The following CCT3 variants were observed in gnomAD, a reference collection of about 807,000 sequenced individuals.
CCT3 encodes the protein T-complex protein 1 subunit gamma.
CCT3 carries 10 observed loss-of-function variants against 65.3 expected under a neutral mutation model. The ratio of observed to expected loss-of-function variants is 0.15; its 90% CI spans 0.09 to 0.26. The LOEUF (loss-of-function observed/expected upper bound fraction) is 0.26. Among genes scored for constraint, CCT3 ranks in the 10% least tolerant of loss-of-function variants. The pLI, the probability that CCT3 is intolerant of heterozygous loss-of-function variation, is 1.00. For synonymous variants in CCT3, 225 were observed against 242.3 expected, an observed-to-expected ratio of 0.93 and a Z score of 0.66; for missense variants, 626 against 708.7, an observed-to-expected ratio of 0.88 and a Z score of 1.33.
chr1:156,312,206 C>T lies in CCT3; in HGVS notation c.990G>A (p.Arg330=). 1 of 1,614,034 alleles carries T rather than the reference C, an allele frequency of 6.2e-7. No homozygotes were observed. Among genetic ancestry groups the T allele is most frequent in the Non-Finnish European group, 8.5e-7 (1 of 1,179,954 alleles). The change falls in exon 11 of 14, where the codon CGG becomes CGA. Residue 330 remains arginine, a synonymous_variant. Transcript: ENST00000295688. ...NNRIARACGA[R]IVSRPEELRE... is the part of the protein sequence containing the mutation. ...TCAGTTCCTCTGGTCGGCTGACTAT[C>T]CGGGCCCCACAGGCTCTAATGGACG... is the stretch of plus-strand genomic sequence containing the variant.
At chr1:156,323,809 C>A (rs1664679624) in intron 6 of CCT3, among the ~76,000 whole-genome samples, 1 of 151,754 alleles carries the variant, frequency 6.6e-6, no homozygotes, top group Non-Finnish European at 1.5e-5. Context: ...TTCGCCCAGG[C>A]TGGAGTGCAA....
At chr1:156,328,995 C>T (rs1480359224) in intron 5 of CCT3, among the ~76,000 whole-genome samples, 1 of 152,114 alleles carries the variant, frequency 6.6e-6, no homozygotes, top group Non-Finnish European at 1.5e-5. Context: ...CAGTCACGTA[C>T]CATTTAATGT....
intron 7 of CCT3, among the ~76,000 whole-genome samples, chr1:156,320,081 G>A (rs1382056537): frequency 6.6e-6 from 1 of 152,098 alleles, no homozygotes; most frequent in Non-Finnish European, 1.5e-5. Flanking sequence ...TTTCCAGGCA[G>A]CAAGTATAGT....
At chr1:156,320,564 A>G (rs1664505195) in intron 7 of CCT3, among the ~76,000 whole-genome samples, 3 of 152,124 alleles carry the variant, frequency 2.0e-5, no homozygotes, top group African/African-American at 7.2e-5. Context: ...CCTGGGCAAC[A>G]TGAGACCCTC....
intron 10 of CCT3, among the ~76,000 whole-genome samples, chr1:156,315,529 A>G (rs1291914549): frequency 1.3e-5 from 2 of 152,022 alleles, no homozygotes; most frequent in African/African-American, 4.8e-5. Flanking sequence ...TCTTAATAAC[A>G]TTTTCTCTAG....
At chr1:156,331,269 G>A (rs1665085142) in intron 5 of CCT3, among the ~76,000 whole-genome samples, 1 of 151,718 alleles carries the variant, frequency 6.6e-6, no homozygotes, top group Admixed American at 6.6e-5. Flanking sequence ...GCAGGAGATT[G>A]CTTGAGCCCA....
Position 156,317,399 on chromosome 1 carries a change from A to C in CCT3, c.892+16T>G. 1 of 1,604,362 alleles carries C rather than the reference A, an allele frequency of 6.2e-7. No homozygotes were observed. Among genetic ancestry groups the C allele is most frequent in the Non-Finnish European group, 8.5e-7 (1 of 1,172,418 alleles). On this transcript the variant is annotated intron_variant, in intron 9 of 13. Coordinates refer to ENST00000295688, the MANE Select transcript of CCT3 (RefSeq NM_005998.5). ...TCTACCTCAAAGGTAGGCTGGAAAA[A>C]GTAACAAAGTCCCACCTGAGATGCC...
chr1:156,332,032 CA>C (rs748216015), intron 5 of CCT3, among the ~76,000 whole-genome samples: 22 of 102,034 alleles, frequency 2.2e-4, no homozygotes, highest in South Asian at 3.6e-4. Flanking sequence ...GACTCCATCT[CA>C]AAAAAAAAAA....
At chr1:156,325,694 C>T (rs774731553) in intron 5 of CCT3, among the ~76,000 whole-genome samples, 2 of 151,886 alleles carry the variant, frequency 1.3e-5, no homozygotes, top group Non-Finnish European at 2.9e-5. Context: ...TTTCCCACCT[C>T]GGCCTCCCAA....
rs952085876 is a variant in CCT3, at chr1:156,330,399, C to T, written c.304+3148G>A. On this transcript the variant is annotated intron_variant, in intron 5 of 13. Transcript: ENST00000295688. ...CAATAGGGCCAGGCGCTATGGCTCA[C>T]GCCTGTAATCCCAGCACTTTGGGAG... Among the ~76,000 whole-genome samples, 8 of 152,242 alleles carry T rather than the reference C, an allele frequency of 5.3e-5. No individual in the cohort carries two copies. In the East Asian group the frequency reaches 9.7e-4, roughly 18 times the overall value.
At chr1:156,333,838 G>C (rs1227621713) in intron 4 of CCT3, among the ~76,000 whole-genome samples, 195 bp from the exon 5 acceptor site, 1 of 152,178 alleles carries the variant, frequency 6.6e-6, no homozygotes, top group African/African-American at 2.4e-5. Context: ...TTGGGAAAAA[G>C]TGTATTACAT....
chr1:156,336,987 C>A (rs1665410159), intron 1 of CCT3: 19 of 706,628 alleles, frequency 2.7e-5, no homozygotes, highest in South Asian at 3.6e-5. Flanking sequence ...CTCTGAAAGG[C>A]AGTCAGTATA....
chr1:156,338,062 G>T (rs973688451), intron 1 of CCT3, 92 bp downstream of exon 1: 32 of 1,381,020 alleles, frequency 2.3e-5, no homozygotes, highest in East Asian at 2.5e-5. Context: ...TCAGTGGCCC[G>T]GTCAGTGGGG....
chr1:156,329,741 C>T (rs995808523), intron 5 of CCT3, among the ~76,000 whole-genome samples: 1 of 151,740 alleles, frequency 6.6e-6, no homozygotes, highest in East Asian at 2.0e-4. Flanking sequence ...GAGTTTGAGA[C>T]CAGCCTGACC....
intron 5 of CCT3, among the ~76,000 whole-genome samples, chr1:156,329,932 C>CT (rs1006221044): frequency 1.4e-5 from 2 of 147,742 alleles, no homozygotes; most frequent in Non-Finnish European, 3.0e-5. Flanking sequence ...GTATGAAACT[C>CT]TGTCTCGAAA....
intron 1 of CCT3, chr1:156,337,030 C>G (rs1317474797): frequency 8.0e-7 from 1 of 1,255,950 alleles, no homozygotes; most frequent in Non-Finnish European, 1.0e-6. Flanking sequence ...GATGGCTAGC[C>G]AGGCTCTGCA....
intron 5 of CCT3, among the ~76,000 whole-genome samples, chr1:156,329,276 C>T (rs774438699): frequency 2.0e-5 from 3 of 151,228 alleles, no homozygotes; most frequent in South Asian, 2.1e-4. Flanking sequence ...TGCCTAATAA[C>T]GCATTTGTCT....
rs6699674 is a variant in CCT3 at position 156,338,031 on chromosome 1, T to C, written c.31+123A>G. 1.8e-3 allele frequency: 1,978 copies of C among 1,086,336 alleles called. 37 individuals carry two copies. In the African/African-American group the frequency reaches 0.026, roughly 14 times the overall value. 67.3% of individuals were successfully genotyped at this position (1,086,336 alleles called of 1,614,324 possible). A position where few individuals can be genotyped will look rare whatever the true frequency, so the allele number is the denominator to read the frequency against. On this transcript the variant is annotated intron_variant, in intron 1 of 13. Transcript: ENST00000295688. Reference sequence around the variant, plus strand: ...AAAGCGGGACACTGGGCTTCCAAAATGAAGACGATGATTGGAAGGCTCAGT... The same window carrying C: ...AAAGCGGGACACTGGGCTTCCAAAACGAAGACGATGATTGGAAGGCTCAGT...
intron 6 of CCT3, among the ~76,000 whole-genome samples, chr1:156,322,950 A>T (rs1664626329): frequency 6.6e-6 from 1 of 152,144 alleles, no homozygotes; most frequent in Non-Finnish European, 1.5e-5. Context: ...AAAAATAATT[A>T]GATCAAACAC....
Sources: gnomAD v4.1 joint callset for allele counts (sites outside exome capture counted in the v4.1 genomes callset) on GRCh38, gnomAD v4.1.1 for gene constraint, MANE v1.5 for transcripts, NCBI Gene and HGNC (gene_info 2026-07-23, HGNC 2026-07-21) for gene names.